The following SNX29 variants were observed in gnomAD, a reference collection of about 807,000 sequenced individuals.
The protein encoded by SNX29 is sorting nexin-29.
SNX29 carries 78 observed loss-of-function variants against 102.1 expected under a neutral mutation model. The observed-to-expected ratio is 0.76, with a 90% confidence interval of 0.64 to 0.92. The LOEUF (loss-of-function observed/expected upper bound fraction) is 0.92. Among genes scored for constraint, SNX29 ranks in the 40% least tolerant of loss-of-function variants. The pLI is 0.00. For missense variants in SNX29, 1,280 were observed against 1,061.7 expected, an observed-to-expected ratio of 1.21 and a Z score of -2.86; for synonymous variants, 580 against 414.5, an observed-to-expected ratio of 1.40 and a Z score of -4.85.
intron 11 of SNX29, among the ~76,000 whole-genome samples, chr16:12,100,042 A>G (rs907178956): frequency 3.9e-5 from 6 of 152,112 alleles, no homozygotes; most frequent in African/African-American, 1.4e-4. Context: ...GAGCAGAATC[A>G]AGGCTCAGCG....
At position 12,408,712 on chromosome 16, in the gene SNX29, C is replaced by T. The variant is rs182074532; in HGVS notation, c.2037+5183C>T. On this transcript the variant is annotated intron_variant, in intron 18 of 20. Coordinates refer to ENST00000566228, the MANE Select transcript of SNX29 (RefSeq NM_032167.5). Reference sequence around the variant, plus strand: ...GGCACACGCTGTAATCCCAGCCACTCGAGAGGCTGAGGCAGGAGACTCACT... The same window carrying T: ...GGCACACGCTGTAATCCCAGCCACTTGAGAGGCTGAGGCAGGAGACTCACT... Among the ~76,000 whole-genome samples the T allele has an allele frequency of 8.7e-4, 133 of 152,218 alleles. 1 individual carries two copies. The highest frequency in any genetic ancestry group is 3.0e-3 in the African/African-American group (124 of 41,538).
At chr16:12,249,739 C>A (rs1477807089) in intron 14 of SNX29, among the ~76,000 whole-genome samples, 1 of 152,182 alleles carries the variant, frequency 6.6e-6, no homozygotes, top group Non-Finnish European at 1.5e-5. Flanking sequence ...GTGAATAATA[C>A]ATGTAAAAGT....
chr16:12,456,543 C>T (rs1347677747), intron 18 of SNX29, among the ~76,000 whole-genome samples: 2 of 151,196 alleles, frequency 1.3e-5, no homozygotes, highest in East Asian at 1.9e-4. Context: ...GTGCATCTGG[C>T]GAAAGTGATG....
chr16:12,176,294 G>T (rs1340271672), intron 13 of SNX29, among the ~76,000 whole-genome samples: 2 of 152,212 alleles, frequency 1.3e-5, no homozygotes, highest in African/African-American at 4.8e-5. Context: ...CTTTTGACAG[G>T]TGCAGGTTCA....
In SNX29 at chr16:12,063,177, T is replaced by G. The variant is rs539656213; in HGVS notation, c.1243+1531T>G. 2.0e-5 allele frequency among the ~76,000 whole-genome samples: 3 copies of G among 152,156 alleles called. No individual in the cohort carries two copies. In the East Asian group the frequency reaches 5.8e-4, roughly 29 times the overall value. ...ACAGTGAAGGCGCCTTGAGTTAATC[T>G]GGGGAAGGTGCCAGGCACATGCCAA... is the stretch of plus-strand genomic sequence containing the variant. On this transcript the variant is annotated intron_variant, in intron 9 of 20. Coordinates refer to ENST00000566228, the MANE Select transcript of SNX29 (RefSeq NM_032167.5).
chr16:12,353,557 G>T (rs1017170000), intron 15 of SNX29, among the ~76,000 whole-genome samples: 4 of 152,158 alleles, frequency 2.6e-5, no homozygotes, highest in African/African-American at 9.7e-5. Flanking sequence ...GGCCCATCTT[G>T]CACCAAGGCC....
chr16:12,055,139 T>C (rs937896894), intron 8 of SNX29, among the ~76,000 whole-genome samples: 3 of 152,030 alleles, frequency 2.0e-5, no homozygotes, highest in African/African-American at 7.2e-5. Context: ...ATGTGTGTAG[T>C]TCCTTCTCTG....
At chr16:12,269,806 A>G (rs2079036140) in intron 14 of SNX29, among the ~76,000 whole-genome samples, 1 of 151,038 alleles carries the variant, frequency 6.6e-6, no homozygotes, top group African/African-American at 2.4e-5. Context: ...CATTCTTTCC[A>G]TTTTACTTTA....
intron 13 of SNX29, among the ~76,000 whole-genome samples, chr16:12,185,402 T>C (rs996756260): frequency 1.3e-5 from 2 of 152,092 alleles, no homozygotes; most frequent in Non-Finnish European, 2.9e-5. Context: ...TTAAGGGAAA[T>C]GTCCTGAATT....
At chr16:12,532,281 G>A (rs760014506) in intron 20 of SNX29, among the ~76,000 whole-genome samples, 1 of 152,208 alleles carries the variant, frequency 6.6e-6, no homozygotes, top group Non-Finnish European at 1.5e-5. Context: ...AGCACAATAA[G>A]TCCTTAAATT....
intron 20 of SNX29, among the ~76,000 whole-genome samples, chr16:12,535,504 G>C (rs1053033250): frequency 6.6e-6 from 1 of 152,148 alleles, no homozygotes; most frequent in African/African-American, 2.4e-5. Context: ...TGAGGAAACT[G>C]AGTCTCACAG....
chr16:12,533,881 C>G (rs1031473029), intron 20 of SNX29, among the ~76,000 whole-genome samples: 2 of 152,322 alleles, frequency 1.3e-5, no homozygotes, highest in South Asian at 2.1e-4. Flanking sequence ...AAGTCCTTGA[C>G]CTTTTCAAGA....
At chr16:12,060,070 C>G (rs368032828) in intron 8 of SNX29, among the ~76,000 whole-genome samples, 2 of 152,112 alleles carry the variant, frequency 1.3e-5, no homozygotes, top group Non-Finnish European at 2.9e-5. Context: ...ACAGCTGGCT[C>G]TCTGCATCCA....
intron 14 of SNX29, among the ~76,000 whole-genome samples, chr16:12,230,097 A>T (rs2077726096): frequency 6.6e-6 from 1 of 152,214 alleles, no homozygotes; most frequent in African/African-American, 2.4e-5. Context: ...ATCAGCCCGG[A>T]TTTAGCCTCA....
intron 20 of SNX29, among the ~76,000 whole-genome samples, chr16:12,553,047 T>C (rs1156816957): frequency 2.0e-5 from 3 of 152,232 alleles, no homozygotes; most frequent in African/African-American, 4.8e-5. Context: ...GGACACTAAT[T>C]GGAGATGGTA....
At chr16:12,456,732 G>T (rs1394888515) in intron 18 of SNX29, among the ~76,000 whole-genome samples, 2 of 152,140 alleles carry the variant, frequency 1.3e-5, no homozygotes, top group African/African-American at 4.8e-5. Context: ...GTATGTGCAT[G>T]TGTGCCTGGG....
At chr16:12,102,103 T>C (rs1033973152) in intron 11 of SNX29, among the ~76,000 whole-genome samples, 3 of 152,242 alleles carry the variant, frequency 2.0e-5, no homozygotes, top group African/African-American at 7.2e-5. Context: ...AACTCATCCT[T>C]TTTTATGGCT....
chr16:12,304,958 A>C (rs2151112076), intron 15 of SNX29, among the ~76,000 whole-genome samples: 1 of 152,344 alleles, frequency 6.6e-6, no homozygotes, highest in Non-Finnish European at 1.5e-5. Flanking sequence ...CAAGAATGAG[A>C]ATATAATTAA....
intron 20 of SNX29, among the ~76,000 whole-genome samples, chr16:12,565,506 G>C (rs9921116): frequency 6.6e-6 from 1 of 151,994 alleles, no homozygotes; most frequent in South Asian, 2.1e-4. Context: ...CCTGTGTCCC[G>C]AGACATGGCT....
Sources: allele counts gnomAD v4.1 joint callset (sites outside exome capture counted in the v4.1 genomes callset), GRCh38; gene constraint gnomAD v4.1.1; transcripts MANE v1.5; gene names NCBI Gene and HGNC (gene_info 2026-07-23, HGNC 2026-07-21).